Variants in CHST9 observed in about 807,000 individuals in gnomAD.
The protein encoded by CHST9 is GalNAc-4-sulfotransferase 2.
CHST9 carries 41 observed loss-of-function variants against 44.4 expected under a neutral mutation model. The ratio of observed to expected loss-of-function variants is 0.92; its 90% CI spans 0.72 to 1.20. CHST9 has a LOEUF of 1.20. CHST9 is among the 50% of genes most tolerant of loss of function. The pLI, the probability that CHST9 is intolerant of heterozygous loss-of-function variation, is 0.00. For missense variants in CHST9, 504 were observed against 516.5 expected (o/e 0.98, Z 0.23); for synonymous variants, 171 against 178.4 (o/e 0.96, Z 0.33).
At chr18:27,136,484 C>T (rs2058514045) in intron 2 of CHST9, among the ~76,000 whole-genome samples, 3 of 152,234 alleles carry the variant, frequency 2.0e-5, no homozygotes, top group Non-Finnish European at 4.4e-5. Context: ...CTCACCATCT[C>T]TGCACACTGC....
intron 2 of CHST9, among the ~76,000 whole-genome samples, chr18:27,094,220 T>G (rs1430343356): frequency 6.6e-6 from 1 of 152,164 alleles, no homozygotes; most frequent in African/African-American, 2.4e-5. Flanking sequence ...GACATCTTGA[T>G]CAAACTGTAA....
Position 27,090,957 on chromosome 18 carries a change from T to C in CHST9, c.122-42454A>G, listed in dbSNP as rs575722125. 2.4e-4 allele frequency among the ~76,000 whole-genome samples: 36 copies of C among 152,258 alleles called. No individual in the cohort carries two copies. The South Asian group carries it at 6.2e-3, about 26-fold the overall frequency. ...TTTTTTGGTTCCATATGAACTTTAA[T>C]GTAGTTTTTTTCCAAATCTGTGAAG... On this transcript the variant is annotated intron_variant, in intron 2 of 5. Coordinates refer to ENST00000618847, the MANE Select transcript of CHST9 (RefSeq NM_031422.6).
chr18:27,093,781 C>A (rs2058091220), intron 2 of CHST9, among the ~76,000 whole-genome samples: 1 of 152,176 alleles, frequency 6.6e-6, no homozygotes, highest in African/African-American at 2.4e-5. Context: ...GTGAAATGAA[C>A]CAGGTACCTC....
intron 2 of CHST9, among the ~76,000 whole-genome samples, chr18:27,139,922 A>G (rs1467714782): frequency 1.3e-5 from 2 of 152,296 alleles, no homozygotes; most frequent in East Asian, 3.9e-4. Context: ...AGTGATTTTA[A>G]AACATCTGTA....
intron 2 of CHST9, among the ~76,000 whole-genome samples, chr18:27,079,585 A>C (rs1454439586): frequency 6.6e-6 from 1 of 152,258 alleles, no homozygotes; most frequent in South Asian, 2.1e-4. Flanking sequence ...AAGTTTAAAA[A>C]TCATGTCACA....
intron 2 of CHST9, among the ~76,000 whole-genome samples, chr18:27,082,810 C>A (rs74366314): frequency 0.043 from 6,551 of 152,202 alleles, 207 homozygotes; most frequent in East Asian, 0.14. Flanking sequence ...GCTGAAAGGG[C>A]ACTCAAGCAC....
chr18:27,163,989 G>T (rs1389401820), intron 1 of CHST9, among the ~76,000 whole-genome samples: 1 of 152,132 alleles, frequency 6.6e-6, no homozygotes, highest in African/African-American at 2.4e-5. Context: ...TATAAATATG[G>T]AATGCAGACA....
At chr18:27,056,644 C>G (rs1372736564) in intron 2 of CHST9, among the ~76,000 whole-genome samples, 1 of 152,138 alleles carries the variant, frequency 6.6e-6, no homozygotes, top group African/African-American at 2.4e-5. Flanking sequence ...ATGCTCTCAC[C>G]TTGGTGCCTG....
intron 1 of CHST9, among the ~76,000 whole-genome samples, chr18:27,173,559 C>T (rs2058847626): frequency 6.6e-6 from 1 of 151,796 alleles, no homozygotes; most frequent in African/African-American, 2.4e-5. Flanking sequence ...ATTATTTTAT[C>T]TAATACATAC....
intron 5 of CHST9, among the ~76,000 whole-genome samples, chr18:26,924,170 T>A (rs1568093386): frequency 6.6e-6 from 1 of 152,138 alleles, no homozygotes; most frequent in Non-Finnish European, 1.5e-5. Context: ...ATGATTATGA[T>A]TGTCCATCAG....
Position 27,106,142 on chromosome 18 carries a change from C to G in CHST9, c.121+36547G>C, listed in dbSNP as rs2058219411. ...TAAGGATTTATCAATATATAAACAG[C>G]CAGGAAACTCAGTCAGACATTATTC... On this transcript the variant is annotated intron_variant, in intron 2 of 5. Transcript: ENST00000618847. Among the ~76,000 whole-genome samples the G allele has an allele frequency of 2.0e-5, 3 of 152,138 alleles. No homozygotes were observed. The South Asian group carries it at 6.2e-4, about 32-fold the overall frequency.
intron 1 of CHST9, among the ~76,000 whole-genome samples, chr18:27,145,587 G>A (rs754924295): frequency 1.3e-5 from 2 of 152,248 alleles, no homozygotes; most frequent in African/African-American, 2.4e-5. Flanking sequence ...CCAGTTCTCT[G>A]AGTTCTCTGA....
At chr18:27,045,001 T>C (rs1302123571) in intron 3 of CHST9, among the ~76,000 whole-genome samples, 2 of 150,552 alleles carry the variant, frequency 1.3e-5, no homozygotes, top group African/African-American at 4.9e-5. Flanking sequence ...GCAGATGTTC[T>C]ACATTTGCTA....
At chr18:26,965,493 C>A (rs1282888950) in intron 4 of CHST9, among the ~76,000 whole-genome samples, 1 of 152,158 alleles carries the variant, frequency 6.6e-6, no homozygotes, top group Non-Finnish European at 1.5e-5. Context: ...TTTGACCTGG[C>A]CTGTAGCATG....
chr18:27,124,888 T>C (rs1952713662), intron 2 of CHST9, among the ~76,000 whole-genome samples: 1 of 152,214 alleles, frequency 6.6e-6, no homozygotes. Context: ...TTACAGTATA[T>C]TTCTGGCAGA....
intron 1 of CHST9, among the ~76,000 whole-genome samples, chr18:27,159,832 G>T (rs1024326839): frequency 1.8e-4 from 28 of 152,250 alleles, no homozygotes; most frequent in Non-Finnish European, 4.1e-4. Flanking sequence ...TACGTCCCTT[G>T]TAAGTTGGAT....
chr18:26,928,182 G>A (rs451395), intron 5 of CHST9: 393 of 152,864 alleles, frequency 2.6e-3, no homozygotes, highest in South Asian at 6.8e-3. Context: ...AGTCTCTTAT[G>A]TCTACTTCTT....
intron 5 of CHST9, among the ~76,000 whole-genome samples, chr18:26,936,926 G>C (rs2056003588): frequency 6.6e-6 from 1 of 152,070 alleles, no homozygotes; most frequent in African/African-American, 2.4e-5. Flanking sequence ...CGGAGTTTCA[G>C]TATTCCATAT....
intron 4 of CHST9, among the ~76,000 whole-genome samples, chr18:27,011,410 C>T (rs1456364691): frequency 9.2e-5 from 14 of 152,040 alleles, no homozygotes; most frequent in Admixed American, 8.5e-4. Context: ...AGGGATGCCG[C>T]CCAGGCAGAA....
Sources: allele counts gnomAD v4.1 joint callset (sites outside exome capture counted in the v4.1 genomes callset), GRCh38; gene constraint gnomAD v4.1.1; transcripts MANE v1.5; gene names NCBI Gene and HGNC (gene_info 2026-07-23, HGNC 2026-07-21).